Variants in ZC4H2 observed in about 807,000 individuals in gnomAD.
ZC4H2 encodes zinc finger C4H2 domain-containing protein.
For missense variants in ZC4H2, 137 were observed against 173.9 expected (o/e 0.79, Z 1.19); for synonymous variants, 84 against 66.3 (o/e 1.27, Z -1.30).
At chrX:64,925,465 C>G (rs1929386558) in intron 1 of ZC4H2, among the ~76,000 whole-genome samples, 1 of 111,959 alleles carries the variant, frequency 8.9e-6, no homozygotes, top group South Asian at 3.7e-4. Context: ...TAAATAACAG[C>G]ATTTTATGAA....
At chrX:64,962,821 A>C (rs1053111605) in intron 1 of ZC4H2, among the ~76,000 whole-genome samples, 4 of 111,522 alleles carry the variant, frequency 3.6e-5, no homozygotes, top group African/African-American at 1.3e-4. Flanking sequence ...AATACTTAGC[A>C]ATAAATGAAA....
chrX:64,925,196 G>C (rs1260217200), intron 1 of ZC4H2, among the ~76,000 whole-genome samples: 1 of 111,606 alleles, frequency 9.0e-6, no homozygotes, highest in Non-Finnish European at 1.9e-5. Context: ...AATAGGGTTT[G>C]TGTGTGTGCA....
In ZC4H2 at chrX:64,955,859, C is replaced by A. The variant is rs1591428; in HGVS notation, c.53+20466G>T. ...ACGAAGGCTCAATGTAGACAAGAAG[C>A]TTTAACGGTACACACGTTGCCTCAT... On this transcript the variant is annotated intron_variant, in intron 1 of 4. Coordinates refer to ENST00000374839, the MANE Select transcript of ZC4H2 (RefSeq NM_018684.4). 3.0e-3 allele frequency among the ~76,000 whole-genome samples: 337 copies of A among 111,900 alleles called. 1 individual carries two copies. Among genetic ancestry groups the A allele is most frequent in the Non-Finnish European group, 5.4e-3 (285 of 53,112 alleles).
chrX:65,015,383 G>T (rs1932790647), intron 1 of ZC4H2, among the ~76,000 whole-genome samples: 1 of 111,961 alleles, frequency 8.9e-6, no homozygotes, highest in Admixed American at 9.5e-5. Context: ...TATAGGTCAG[G>T]TCTATTCAAT....
chrX:65,005,173 T>C (rs773474318), intron 1 of ZC4H2, among the ~76,000 whole-genome samples: 1 of 112,004 alleles, frequency 8.9e-6, no homozygotes, highest in South Asian at 3.7e-4. Flanking sequence ...TATTTATAGA[T>C]TCAATGCTAC....
At chrX:64,949,762 C>T (rs986848366) in intron 1 of ZC4H2, among the ~76,000 whole-genome samples, 11 of 111,289 alleles carry the variant, frequency 9.9e-5, no homozygotes, top group African/African-American at 2.0e-4. Flanking sequence ...GTCTTGCTAT[C>T]GGTCCATCAA....
chrX:65,010,619 C>G (rs1452672902), intron 1 of ZC4H2, among the ~76,000 whole-genome samples: 1 of 111,424 alleles, frequency 9.0e-6, no homozygotes, highest in Non-Finnish European at 1.9e-5. Flanking sequence ...ATTTTTATTC[C>G]TCCCCAAATC....
intron 1 of ZC4H2, among the ~76,000 whole-genome samples, chrX:65,031,241 C>A (rs895770572): frequency 8.9e-6 from 1 of 112,203 alleles, no homozygotes; most frequent in Non-Finnish European, 1.9e-5. Context: ...CACTTCCCAG[C>A]CCATAAATAC....
chrX:64,976,087 C>T (rs1931938270), intron 1 of ZC4H2, among the ~76,000 whole-genome samples: 1 of 111,568 alleles, frequency 9.0e-6, no homozygotes, highest in Admixed American at 9.4e-5. Flanking sequence ...AAGAATAAAA[C>T]TGTCTTGGTA....
intron 1 of ZC4H2, among the ~76,000 whole-genome samples, chrX:64,928,715 CCCT>C (rs1427855921): frequency 1.2e-3 from 86 of 74,748 alleles, no homozygotes; most frequent in Middle Eastern, 0.014. Context: ...CTCCTCCTCC[CCCT>C]CCTCCTCCTC....
chrX:64,944,885 C>T (rs756722174), intron 1 of ZC4H2, among the ~76,000 whole-genome samples: 7 of 112,247 alleles, frequency 6.2e-5, no homozygotes, highest in African/African-American at 1.3e-4. Context: ...TTGATTCTTG[C>T]GCATGCTTCA....
chrX:65,010,824 T>C (rs1156479458), intron 1 of ZC4H2, among the ~76,000 whole-genome samples: 3 of 112,297 alleles, frequency 2.7e-5, no homozygotes, highest in Non-Finnish European at 5.6e-5. Flanking sequence ...ATGATGAACT[T>C]TTTGTTGATA....
intron 1 of ZC4H2, among the ~76,000 whole-genome samples, chrX:64,928,660 CTT>C (rs1929556536): frequency 9.8e-6 from 1 of 102,050 alleles, no homozygotes; most frequent in Non-Finnish European, 2.0e-5. Flanking sequence ...TCTTCTTCTT[CTT>C]CTTCTTCTTC....
At chrX:64,921,545 A>C (rs1929195095) in intron 2 of ZC4H2, among the ~76,000 whole-genome samples, 1 of 111,838 alleles carries the variant, frequency 8.9e-6, no homozygotes, top group African/African-American at 3.3e-5. Context: ...GAGCACATCA[A>C]ATCAGTACAT....
In ZC4H2 at chrX:64,998,021, T is replaced by C. The variant is rs776868471; in HGVS notation, c.-272+36608A>G. Among the ~76,000 whole-genome samples the C allele has an allele frequency of 1.1e-4, 12 of 111,693 alleles. No homozygotes were observed. In the East Asian group the frequency reaches 2.8e-3, roughly 26 times the overall value. ...TGTAATCTACATGGTAACCATAAAA[T>C]ATCTAAAAGTATAAACAAGAGGCAC... is the stretch of plus-strand genomic sequence containing the variant. On this transcript the variant is annotated intron_variant, in intron 1 of 4. Coordinates refer to the ZC4H2 transcript ENST00000337990.
At chrX:65,030,541 A>G (rs1466032644) in intron 1 of ZC4H2, among the ~76,000 whole-genome samples, 1 of 112,317 alleles carries the variant, frequency 8.9e-6, no homozygotes, top group Non-Finnish European at 1.9e-5. Context: ...TCATTTATGT[A>G]AATTATTTAT....
At position 65,002,340 on chromosome X, in the gene ZC4H2, G is replaced by A. The variant is rs774219574; in HGVS notation, c.-272+32289C>T. On this transcript the variant is annotated intron_variant, in intron 1 of 4. Transcript: ENST00000337990. ...CCCCGCCCAGCCAGCCGCCCCGTCC[G>A]GGAGGGAGGCAGGGGGTCAGCCCCC... 5.6e-5 allele frequency among the ~76,000 whole-genome samples: 6 copies of A among 107,692 alleles called. No homozygotes were observed. The East Asian group carries it at 1.2e-3, about 22-fold the overall frequency. The allele number at this position is 107,692 out of a possible 115,157, so 93.5% of individuals were successfully genotyped here.
intron 1 of ZC4H2, among the ~76,000 whole-genome samples, chrX:64,981,760 T>C (rs1373621625): frequency 9.0e-6 from 1 of 111,362 alleles, no homozygotes; most frequent in African/African-American, 3.3e-5. Context: ...AATTTTCATG[T>C]TCTCCATCAC....
intron 1 of ZC4H2, among the ~76,000 whole-genome samples, chrX:64,939,763 C>A (rs1200649504): frequency 8.9e-6 from 1 of 111,876 alleles, no homozygotes; most frequent in African/African-American, 3.3e-5. Context: ...CTTACTTACA[C>A]CTTATACAAA....
Sources: allele counts gnomAD v4.1 joint callset (sites outside exome capture counted in the v4.1 genomes callset), GRCh38; gene constraint gnomAD v4.1.1; transcripts MANE v1.5; gene names NCBI Gene and HGNC (gene_info 2026-07-23, HGNC 2026-07-21).